The following NEGR1 variants were observed in gnomAD, a reference collection of about 807,000 sequenced individuals.
NEGR1 encodes the protein neuronal growth regulator 1.
NEGR1 carries 10 observed loss-of-function variants against 40.9 expected under a neutral mutation model. The ratio of observed to expected loss-of-function variants is 0.24; its 90% CI spans 0.15 to 0.42. The LOEUF (loss-of-function observed/expected upper bound fraction) is 0.42. NEGR1 is among the 10% of genes least tolerant of loss of function. NEGR1 has a pLI of 1.00. For missense variants in NEGR1, 352 were observed against 438.9 expected, an observed-to-expected ratio of 0.80 and a Z score of 1.77; for synonymous variants, 185 against 166.8, an observed-to-expected ratio of 1.11 and a Z score of -0.84.
At chr1:71,900,952 AC>A (rs1661128217) in intron 2 of NEGR1, among the ~76,000 whole-genome samples, 1 of 152,324 alleles carries the variant, frequency 6.6e-6, no homozygotes, top group South Asian at 2.1e-4. Context: ...TCATCATCAT[AC>A]TAAGCAGTGT....
chr1:71,930,450 AT>A lies in NEGR1; in HGVS notation c.409+4628del, dbSNP rs201915596. Among the ~76,000 whole-genome samples the A allele has an allele frequency of 5.9e-3, 899 of 152,290 alleles. 6 individuals carry two copies. Among genetic ancestry groups the A allele is most frequent in the African/African-American group, 0.021 (854 of 41,568 alleles). On this transcript the variant is annotated intron_variant, in intron 2 of 6. Coordinates refer to ENST00000357731, the MANE Select transcript of NEGR1 (RefSeq NM_173808.3). ...CATGCTCTGAAAGTATATGAAAATCATATTACAAATTTTATGATCTAACCTC... is the reference window on the plus strand; with the variant it reads ...CATGCTCTGAAAGTATATGAAAATCAATTACAAATTTTATGATCTAACCTC...
intron 1 of NEGR1, among the ~76,000 whole-genome samples, chr1:72,132,494 A>C (rs1650296320): frequency 6.6e-6 from 1 of 152,200 alleles, no homozygotes; most frequent in Non-Finnish European, 1.5e-5. Flanking sequence ...AAACAAACAA[A>C]ATAAACAAAC....
intron 6 of NEGR1, among the ~76,000 whole-genome samples, chr1:71,581,547 C>T (rs1649133805): frequency 6.6e-6 from 1 of 152,076 alleles, no homozygotes; most frequent in Non-Finnish European, 1.5e-5. Context: ...TCATGCATGT[C>T]ACATGCATGG....
intron 1 of NEGR1, among the ~76,000 whole-genome samples, chr1:72,248,431 T>C (rs891097830): frequency 6.6e-6 from 1 of 151,894 alleles, no homozygotes; most frequent in African/African-American, 2.4e-5. Context: ...CTAATATTTG[T>C]ATTTTTAAGA....
intron 1 of NEGR1, among the ~76,000 whole-genome samples, chr1:72,227,865 T>C (rs959944182): frequency 6.6e-6 from 1 of 152,094 alleles, no homozygotes; most frequent in Non-Finnish European, 1.5e-5. Flanking sequence ...GTGAGTAATA[T>C]TTCAAACACT....
At chr1:71,753,936 T>C (rs1002973185) in intron 3 of NEGR1, among the ~76,000 whole-genome samples, 4 of 151,058 alleles carry the variant, frequency 2.6e-5, no homozygotes, top group African/African-American at 5.0e-5. Context: ...GGTGATTTCT[T>C]TGAGCAATAA....
At chr1:72,036,279 T>C (rs1231047143) in intron 1 of NEGR1, among the ~76,000 whole-genome samples, 1 of 152,108 alleles carries the variant, frequency 6.6e-6, no homozygotes, top group Non-Finnish European at 1.5e-5. Context: ...CTTTGAAATA[T>C]AAAACCCCAT....
At chr1:71,858,793 T>C (rs1011375379) in intron 2 of NEGR1, among the ~76,000 whole-genome samples, 3 of 152,126 alleles carry the variant, frequency 2.0e-5, no homozygotes, top group African/African-American at 4.8e-5. Flanking sequence ...CAAAATATCA[T>C]TTAATTGCCC....
chr1:71,592,064 G>T (rs1051017363), intron 6 of NEGR1, among the ~76,000 whole-genome samples: 3 of 152,020 alleles, frequency 2.0e-5, no homozygotes, highest in African/African-American at 7.2e-5. Context: ...AGTCTTCTTT[G>T]AACATTTTGA....
chr1:71,431,195 T>C (rs1646466477), intron 6 of NEGR1, among the ~76,000 whole-genome samples: 1 of 151,844 alleles, frequency 6.6e-6, no homozygotes, highest in Non-Finnish European at 1.5e-5. Context: ...CAAATACTGA[T>C]TGAAAAGCAA....
At chr1:72,181,774 A>C (rs1652380654) in intron 1 of NEGR1, among the ~76,000 whole-genome samples, 1 of 152,182 alleles carries the variant, frequency 6.6e-6, no homozygotes, top group South Asian at 2.1e-4. Flanking sequence ...TGCTAAGGGA[A>C]ATAAGCCAAA....
chr1:71,803,634 T>C (rs1657642076), intron 2 of NEGR1, among the ~76,000 whole-genome samples: 1 of 152,206 alleles, frequency 6.6e-6, no homozygotes, highest in African/African-American at 2.4e-5. Flanking sequence ...TTTTTCCTTG[T>C]ACTTCTTTTA....
At chr1:71,497,121 G>T (rs1282910848) in intron 6 of NEGR1, among the ~76,000 whole-genome samples, 1 of 152,058 alleles carries the variant, frequency 6.6e-6, no homozygotes, top group African/African-American at 2.4e-5. Flanking sequence ...GAAATTTCCA[G>T]TACAAAATGC....
At chr1:71,888,211 G>A (rs948433035) in intron 2 of NEGR1, among the ~76,000 whole-genome samples, 4 of 152,100 alleles carry the variant, frequency 2.6e-5, no homozygotes, top group Admixed American at 2.6e-4. Flanking sequence ...GTCGGGGGAG[G>A]AGCCAAGATG....
At chr1:72,242,484 T>C (rs1345763254) in intron 1 of NEGR1, among the ~76,000 whole-genome samples, 1 of 151,618 alleles carries the variant, frequency 6.6e-6, no homozygotes, top group African/African-American at 2.4e-5. Flanking sequence ...TCAATAAATA[T>C]CTCTTGACTG....
intron 1 of NEGR1, among the ~76,000 whole-genome samples, chr1:72,117,050 A>G (rs1649607487): frequency 6.6e-6 from 1 of 151,742 alleles, no homozygotes; most frequent in African/African-American, 2.4e-5. Context: ...TTGGCTCAGA[A>G]AAAAGTGATG....
At chr1:71,985,223 C>A (rs1269259172) in intron 1 of NEGR1, among the ~76,000 whole-genome samples, 1 of 152,018 alleles carries the variant, frequency 6.6e-6, no homozygotes, top group African/African-American at 2.4e-5. Flanking sequence ...TAAAAAGCAG[C>A]CGGAAGTATA....
chr1:71,764,746 T>C (rs1656063147), intron 3 of NEGR1, among the ~76,000 whole-genome samples: 1 of 152,190 alleles, frequency 6.6e-6, no homozygotes, highest in African/African-American at 2.4e-5. Context: ...CATGAGAAGT[T>C]GCTGAATAAT....
chr1:71,888,748 T>G (rs1660814906), intron 2 of NEGR1, among the ~76,000 whole-genome samples: 3 of 76,604 alleles, frequency 3.9e-5, no homozygotes, highest in Non-Finnish European at 5.3e-5. Flanking sequence ...CTCTGTAGGC[T>G]CCACCTCTGG....
Sources: allele counts gnomAD v4.1 joint callset (sites outside exome capture counted in the v4.1 genomes callset), GRCh38; gene constraint gnomAD v4.1.1; transcripts MANE v1.5; gene names NCBI Gene and HGNC (gene_info 2026-07-23, HGNC 2026-07-21).